MCTP1: variants seen among roughly 807,000 people sequenced by gnomAD.
The protein encoded by MCTP1 is multiple C2 and transmembrane domain containing 1, also known as multiple C2 and transmembrane domain-containing protein 1.
In MCTP1, 69 loss-of-function variants were observed where a neutral mutation model predicts 120.6. That is an observed-to-expected ratio of 0.57 (90% CI 0.47 to 0.70). The LOEUF (loss-of-function observed/expected upper bound fraction) is 0.70, where lower values mean the gene tolerates loss of function less well. MCTP1 is among the 30% of genes least tolerant of loss of function. MCTP1 has a pLI of 0.00. For missense variants in MCTP1, 1,203 were observed against 1,248.8 expected, an observed-to-expected ratio of 0.96 and a Z score of 0.55; for synonymous variants, 529 against 493.1, an observed-to-expected ratio of 1.07 and a Z score of -0.96.
rs1443831126 is a variant in MCTP1, at chr5:95,210,939, A to G, written c.720+72917T>C. 7.2e-5 allele frequency among the ~76,000 whole-genome samples: 11 copies of G among 151,926 alleles called. No individual in the cohort carries two copies. In the East Asian group the frequency reaches 2.1e-3, roughly 29 times the overall value. ...TATTTCTCCTTCACTTATGAAGCTT[A>G]GTTTGGCTGGATATGAAATTCTGGG... On this transcript the variant is annotated intron_variant, in intron 1 of 22. Transcript: ENST00000515393.
At chr5:94,787,673 G>T (rs1434452534) in intron 18 of MCTP1, among the ~76,000 whole-genome samples, 1 of 150,858 alleles carries the variant, frequency 6.6e-6, no homozygotes, top group Admixed American at 6.6e-5. Context: ...CTGGAGTGCA[G>T]TGGCGCGATC....
chr5:95,001,775 G>T (rs962140990), intron 2 of MCTP1, among the ~76,000 whole-genome samples: 6 of 152,108 alleles, frequency 3.9e-5, no homozygotes, highest in African/African-American at 9.7e-5. Flanking sequence ...CCATAGAAAA[G>T]AAAAAATCAT....
intron 1 of MCTP1, among the ~76,000 whole-genome samples, chr5:95,212,277 T>A (rs1186830067): frequency 1.3e-5 from 2 of 152,126 alleles, no homozygotes; most frequent in Non-Finnish European, 2.9e-5. Flanking sequence ...AATGGATAAA[T>A]TCCTCCACAC....
intron 17 of MCTP1, among the ~76,000 whole-genome samples, chr5:94,839,939 A>G (rs1337370193): frequency 6.6e-6 from 1 of 152,218 alleles, no homozygotes; most frequent in East Asian, 1.9e-4. Context: ...CTAATTCACA[A>G]ATCAAATTCT....
chr5:94,995,108 TC>T (rs909200290), intron 2 of MCTP1, among the ~76,000 whole-genome samples: 5 of 152,162 alleles, frequency 3.3e-5, no homozygotes, highest in African/African-American at 1.2e-4. Flanking sequence ...CCTACGAAAC[TC>T]CCCTTCATAT....
chr5:95,004,702 C>T (rs1370808191), intron 2 of MCTP1, among the ~76,000 whole-genome samples: 4 of 152,216 alleles, frequency 2.6e-5, no homozygotes, highest in Non-Finnish European at 4.4e-5. Context: ...CCTCTAGGTG[C>T]ACAGAGGGCA....
chr5:95,062,511 T>G (rs1749498413), intron 1 of MCTP1, among the ~76,000 whole-genome samples: 1 of 152,224 alleles, frequency 6.6e-6, no homozygotes. Context: ...GCTTCCTTTA[T>G]AGATGTGAAA....
chr5:95,008,289 T>C (rs1835160289), intron 2 of MCTP1, among the ~76,000 whole-genome samples: 2 of 152,152 alleles, frequency 1.3e-5, no homozygotes, highest in Admixed American at 1.3e-4. Context: ...TTCTTCCCCT[T>C]GCTTTTAATG....
At position 95,284,222 on chromosome 5, in the gene MCTP1, C is replaced by G. The variant is rs199763347; in HGVS notation, c.354G>C (p.Gly118=). Reference sequence around the variant, plus strand: ...CGCGGATCCGGCGGCGTAGCGTGGACCCCTGCTCGGCTCTGCCGGCGCCGC... The same window carrying G: ...CGCGGATCCGGCGGCGTAGCGTGGAGCCCTGCTCGGCTCTGCCGGCGCCGC... ...EPGGAGRAEQ[G]STLRRRIREH... Residue 118 remains glycine (G), a synonymous_variant, in exon 1 of 23, where the codon GGG becomes GGC. Coordinates refer to ENST00000515393, the MANE Select transcript of MCTP1 (RefSeq NM_024717.7). This position sits in a 1 kb window ranked among gnomAD's most constrained non-coding sequence, Gnocchi z 5.2. The G allele has an allele frequency of 4.4e-6, 7 of 1,581,322 alleles. No homozygotes were observed. Among genetic ancestry groups the G allele is most frequent in the South Asian group, 3.4e-5 (3 of 87,588 alleles).
At chr5:95,045,132 C>A (rs1375339858) in intron 1 of MCTP1, among the ~76,000 whole-genome samples, 1 of 152,244 alleles carries the variant, frequency 6.6e-6, no homozygotes, top group Admixed American at 6.5e-5. Flanking sequence ...CTTGAATGTG[C>A]TAAACTCTTG....
intron 1 of MCTP1, among the ~76,000 whole-genome samples, chr5:95,138,196 T>A (rs1340866022): frequency 6.6e-6 from 1 of 151,144 alleles, no homozygotes; most frequent in Admixed American, 6.6e-5. Flanking sequence ...TATGATTGTG[T>A]ACCAAGATGC....
chr5:94,706,789 TTA>T lies in MCTP1; in HGVS notation c.*705_*706del, dbSNP rs1481047494. 6.6e-6 allele frequency: 1 copy of T among 151,840 alleles called. No homozygotes were observed. The highest frequency in any genetic ancestry group is 1.5e-5 in the Non-Finnish European group (1 of 67,860). The allele number at this position is 151,840 out of a possible 1,614,324, so 9.4% of individuals were successfully genotyped here. ...GCAATCGTTTATAAACTGGCAGTAT[TTA>T]TGTTATGTAGTCCTGTAGAGATTTT... On this transcript the variant is annotated 3_prime_UTR_variant, in exon 23 of 23. Coordinates refer to ENST00000515393, the MANE Select transcript of MCTP1 (RefSeq NM_024717.7).
chr5:94,996,188 A>G (rs1832580218), intron 2 of MCTP1, among the ~76,000 whole-genome samples: 2 of 152,172 alleles, frequency 1.3e-5, no homozygotes, highest in South Asian at 4.1e-4. Flanking sequence ...TTCTGAAAGG[A>G]GGCCTAATTA....
chr5:94,923,929 C>A (rs370338421), intron 7 of MCTP1, 33 bp downstream of exon 7: 10 of 1,404,842 alleles, frequency 7.1e-6, no homozygotes, highest in Non-Finnish European at 9.6e-6. Context: ...AACCAAAAAT[C>A]AAGAATATTA....
intron 17 of MCTP1, among the ~76,000 whole-genome samples, chr5:94,818,070 A>G (rs2153090140): frequency 6.6e-6 from 1 of 152,316 alleles, no homozygotes; most frequent in Non-Finnish European, 1.5e-5. Flanking sequence ...AGCAAAAAAG[A>G]ATCTTTTTTC....
chr5:95,205,377 T>C (rs1049730554), intron 1 of MCTP1, among the ~76,000 whole-genome samples: 4 of 152,044 alleles, frequency 2.6e-5, no homozygotes, highest in Non-Finnish European at 5.9e-5. Context: ...AGGTAAAAGC[T>C]AAAGCTATAA....
In MCTP1 at chr5:94,761,528, T is replaced by G. The variant is rs1347498889; in HGVS notation, c.2610+17582A>C. On this transcript the variant is annotated intron_variant, in intron 19 of 22. Transcript: ENST00000515393. ...ACCTGACAATATGAAGGCACCTTGTTTGTATAAATTTTGAGATAACTTAAT... is the reference window on the plus strand; with the variant it reads ...ACCTGACAATATGAAGGCACCTTGTGTGTATAAATTTTGAGATAACTTAAT... Among the ~76,000 whole-genome samples, 4 of 152,294 alleles carry G rather than the reference T, an allele frequency of 2.6e-5. No individual in the cohort carries two copies. In the East Asian group the frequency reaches 7.7e-4, roughly 29 times the overall value.
chr5:95,127,179 G>A lies in MCTP1; in HGVS notation c.721-109695C>T, dbSNP rs144871975. Among the ~76,000 whole-genome samples the A allele has an allele frequency of 1.5e-3, 233 of 152,022 alleles. 2 individuals carry two copies. Among genetic ancestry groups the A allele is most frequent in the Middle Eastern group, 3.4e-3 (1 of 294 alleles). On this transcript the variant is annotated intron_variant, in intron 1 of 22. Coordinates refer to ENST00000515393, the MANE Select transcript of MCTP1 (RefSeq NM_024717.7). ...CAAATAAAATATTCTTGAAGGGTCC[G>A]TGACCAGAGAAACCAGCATTAGATC...
chr5:94,908,493 T>A (rs1044199200), intron 10 of MCTP1, among the ~76,000 whole-genome samples: 6 of 152,208 alleles, frequency 3.9e-5, no homozygotes, highest in South Asian at 2.1e-4. Flanking sequence ...AGACTTGGAA[T>A]TTCATGTAAG....
Sources: allele counts gnomAD v4.1 joint callset (sites outside exome capture counted in the v4.1 genomes callset), GRCh38; gene constraint gnomAD v4.1.1; non-coding constraint Gnocchi (gnomAD v3.1); transcripts MANE v1.5; gene names NCBI Gene and HGNC (gene_info 2026-07-23, HGNC 2026-07-21).